The following SORCS2 variants were observed in gnomAD, a reference collection of about 807,000 sequenced individuals.
SORCS2 encodes sortilin related VPS10 domain containing receptor 2, also known as VPS10 domain-containing receptor SorCS2.
Under a neutral mutation model 141.6 loss-of-function variants are expected in SORCS2, and 100 were observed. The observed-to-expected ratio is 0.71, with a 90% CI of 0.60 to 0.83. The LOEUF (loss-of-function observed/expected upper bound fraction) is 0.83, where lower values mean the gene tolerates loss of function less well. SORCS2 is among the 40% of genes least tolerant of loss of function. The probability of loss-of-function intolerance (pLI) is 0.00; values close to 1 mark genes in which losing one functional copy is unlikely to be tolerated. For missense variants in SORCS2, 1,646 were observed against 1,560.2 expected, an observed-to-expected ratio of 1.05 and a Z score of -0.93; for synonymous variants, 789 against 676.9, an observed-to-expected ratio of 1.17 and a Z score of -2.57.
At chr4:7,459,468 C>A (rs79636826) in intron 2 of SORCS2, among the ~76,000 whole-genome samples, 1,838 of 152,252 alleles carry the variant, frequency 0.012, 14 homozygotes, top group Middle Eastern at 0.017. Context: ...CTTTACCATT[C>A]AGTTCCTCTC....
chr4:7,244,809 C>T (rs1024384643), intron 1 of SORCS2, among the ~76,000 whole-genome samples: 16 of 152,254 alleles, frequency 1.1e-4, no homozygotes, highest in Admixed American at 2.0e-4. Flanking sequence ...GGACAGGCTG[C>T]TCAGCAGCTT....
intron 23 of SORCS2, among the ~76,000 whole-genome samples, chr4:7,731,567 C>T (rs535815448): frequency 4.5e-4 from 68 of 152,280 alleles, no homozygotes; most frequent in Non-Finnish European, 6.2e-4. Context: ...CTTCACAATG[C>T]GTTACAAAGT....
At chr4:7,436,217 C>A (rs1382202762) in intron 2 of SORCS2, among the ~76,000 whole-genome samples, 1 of 152,184 alleles carries the variant, frequency 6.6e-6, no homozygotes, top group East Asian at 1.9e-4. Context: ...CTGGCCAGCA[C>A]CTCCAGGTCA....
intron 3 of SORCS2, among the ~76,000 whole-genome samples, chr4:7,575,180 C>T (rs1359624992): frequency 6.6e-6 from 1 of 152,212 alleles, no homozygotes; most frequent in Non-Finnish European, 1.5e-5. Context: ...TCTCCTCCTA[C>T]TTCACCCATC....
At chr4:7,276,560 C>G (rs928567453) in intron 1 of SORCS2, among the ~76,000 whole-genome samples, 3 of 152,182 alleles carry the variant, frequency 2.0e-5, no homozygotes, top group Admixed American at 6.5e-5. Flanking sequence ...GCTGCCGCTT[C>G]CTGCCTCCCC....
rs1363433830 is a variant in SORCS2, at chr4:7,433,970, G to C, written c.548+37615G>C. 9 of 1,613,790 alleles carry C rather than the reference G, an allele frequency of 5.6e-6. No homozygotes were observed. In the East Asian group the frequency reaches 1.3e-4, roughly 24 times the overall value. On this transcript the variant is annotated intron_variant, in intron 2 of 26. Coordinates refer to ENST00000507866, the MANE Select transcript of SORCS2 (RefSeq NM_020777.3). ...CTGTTGGACATGAGCCAGTGGTCCA[G>C]CTTCTGCACCACGTTCATGCACACC... is the stretch of plus-strand genomic sequence containing the variant.
At position 7,663,352 on chromosome 4, in the gene SORCS2, C is replaced by G. The variant is rs77260615; in HGVS notation, c.953-1001C>G. On this transcript the variant is annotated intron_variant, in intron 6 of 26. Transcript: ENST00000507866. The surrounding 1 kb of genome is among the most constrained non-coding windows in gnomAD (Gnocchi z 4.8). ...TGATTGAGTGAGTGAGTGAGTGAGT[C>G]AGTCAGTCAGTAGACTGTTGACTGA... Among the ~76,000 whole-genome samples, 323 of 152,296 alleles carry G rather than the reference C, an allele frequency of 2.1e-3. 2 individuals are homozygous for G. The highest frequency in any genetic ancestry group is 6.6e-3 in the African/African-American group (276 of 41,562).
At chr4:7,724,142 ATGGTCGTG>A (rs1560112942) in intron 19 of SORCS2, among the ~76,000 whole-genome samples, 13 of 99,400 alleles carry the variant, frequency 1.3e-4, no homozygotes, top group Non-Finnish European at 2.3e-4. Context: ...GGTGGTGGTG[ATGGTCGTG>A]GTGGTGGTGG....
chr4:7,713,996 G>A (rs1044225431), intron 15 of SORCS2, among the ~76,000 whole-genome samples: 4 of 152,232 alleles, frequency 2.6e-5, no homozygotes, highest in East Asian at 3.9e-4. Context: ...GCAGCTCTGC[G>A]ACCCCTCGGG....
chr4:7,466,473 G>C (rs1235385135), intron 2 of SORCS2, among the ~76,000 whole-genome samples: 1 of 152,216 alleles, frequency 6.6e-6, no homozygotes, highest in Non-Finnish European at 1.5e-5. Context: ...GGTGCATGGA[G>C]AGAAGCAGTT....
intron 3 of SORCS2, among the ~76,000 whole-genome samples, chr4:7,629,503 T>C (rs1013374768): frequency 5.9e-5 from 9 of 151,908 alleles, no homozygotes; most frequent in Admixed American, 3.3e-4. Flanking sequence ...CCAAGCTCTC[T>C]CCTCCTGGCC....
intron 9 of SORCS2, among the ~76,000 whole-genome samples, chr4:7,679,463 C>A (rs1369627266): frequency 6.6e-6 from 1 of 152,238 alleles, no homozygotes; most frequent in Non-Finnish European, 1.5e-5. Flanking sequence ...AAGACTCAAG[C>A]ACTCAAGAGA....
At chr4:7,715,351 G>A (rs1485267699) in intron 17 of SORCS2, 40 bp downstream of exon 17, 2 of 1,608,208 alleles carry the variant, frequency 1.2e-6, no homozygotes, top group African/African-American at 2.7e-5. Flanking sequence ...TAAATCCGGG[G>A]GCAGAGCTGT....
rs1449189953 is a variant in SORCS2 at position 7,674,228 on chromosome 4, C to CTG, written c.1162-1819_1162-1818dup. On this transcript the variant is annotated intron_variant, in intron 8 of 26. Coordinates refer to ENST00000507866, the MANE Select transcript of SORCS2 (RefSeq NM_020777.3). Reference sequence around the variant, plus strand: ...TGAATTTCGGTCCATAGACACAGGACTGTGGCTCCTGCCACTGTGGGGTCC... The same window carrying CTG: ...TGAATTTCGGTCCATAGACACAGGACTGTGTGGCTCCTGCCACTGTGGGGTCC... Among the ~76,000 whole-genome samples, 2 of 152,098 alleles carry CTG rather than the reference C, an allele frequency of 1.3e-5. 1 individual carries two copies. The highest frequency in any genetic ancestry group is 2.9e-5 in the Non-Finnish European group (2 of 68,010).
At chr4:7,570,376 C>G (rs1715306940) in intron 3 of SORCS2, among the ~76,000 whole-genome samples, 1 of 152,246 alleles carries the variant, frequency 6.6e-6, no homozygotes, top group Admixed American at 6.5e-5. Flanking sequence ...GCAGACCCTC[C>G]CACTCCCGCT....
At chr4:7,434,125 C>G (rs201944936) in intron 2 of SORCS2, 2 of 1,612,934 alleles carry the variant, frequency 1.2e-6, no homozygotes, top group South Asian at 1.1e-5. Flanking sequence ...CTCACAGAAT[C>G]CCCCCTTCCT....
chr4:7,481,423 C>T (rs945007529), intron 2 of SORCS2, among the ~76,000 whole-genome samples: 1 of 152,154 alleles, frequency 6.6e-6, no homozygotes, highest in Admixed American at 6.5e-5. Flanking sequence ...GAACGGTGGC[C>T]TCTAGGCGGA....
chr4:7,312,454 C>G (rs922105279), intron 1 of SORCS2, among the ~76,000 whole-genome samples: 4 of 151,362 alleles, frequency 2.6e-5, no homozygotes, highest in African/African-American at 9.7e-5. Context: ...CCCATTTCTC[C>G]CTTGGCCCCC....
chr4:7,528,002 G>A (rs1416149951), intron 2 of SORCS2, among the ~76,000 whole-genome samples: 1 of 152,022 alleles, frequency 6.6e-6, no homozygotes. Context: ...CGGCTGCAGT[G>A]TCTGTCTCCT....
Sources: gnomAD v4.1 joint callset for allele counts (sites outside exome capture counted in the v4.1 genomes callset) on GRCh38, gnomAD v4.1.1 for gene constraint, Gnocchi (gnomAD v3.1) non-coding constraint, MANE v1.5 for transcripts, NCBI Gene and HGNC (gene_info 2026-07-23, HGNC 2026-07-21) for gene names.